DTNA: variants seen among roughly 807,000 people sequenced by gnomAD.
The protein encoded by DTNA is dystrobrevin alpha, also known as dystrophin-related protein 3.
DTNA carries 43 observed loss-of-function variants against 100.7 expected under a neutral mutation model. The ratio of observed to expected loss-of-function variants is 0.43; its 90% CI spans 0.33 to 0.55. DTNA has a LOEUF of 0.55. Among genes scored for constraint, DTNA ranks in the 20% least tolerant of loss-of-function variants. The pLI is 0.04. For missense variants in DTNA, 798 were observed against 953.9 expected, an observed-to-expected ratio of 0.84 and a Z score of 2.15; for synonymous variants, 349 against 347.9, an observed-to-expected ratio of 1.00 and a Z score of -0.04.
chr18:34,620,103 T>A (rs1298839410), intron 1 of DTNA, among the ~76,000 whole-genome samples: 1 of 152,136 alleles, frequency 6.6e-6, no homozygotes, highest in Non-Finnish European at 1.5e-5. Flanking sequence ...CCTGTTGGCT[T>A]CCCCAATTCA....
intron 1 of DTNA, among the ~76,000 whole-genome samples, chr18:34,724,070 A>G (rs2086018388): frequency 1.3e-5 from 2 of 152,216 alleles, no homozygotes; most frequent in Non-Finnish European, 2.9e-5. Context: ...AGTAATATGT[A>G]ATGTTAGTGA....
intron 1 of DTNA, among the ~76,000 whole-genome samples, chr18:34,688,802 T>C (rs2079297832): frequency 6.6e-6 from 1 of 152,186 alleles, no homozygotes; most frequent in Admixed American, 6.5e-5. Context: ...ATTTTGTCTT[T>C]TCACCTAGTA....
chr18:34,644,043 G>T (rs527358087), intron 1 of DTNA, among the ~76,000 whole-genome samples: 1 of 151,870 alleles, frequency 6.6e-6, no homozygotes, highest in African/African-American at 2.4e-5. Context: ...TAATTGTGAG[G>T]GATAATAGAA....
intron 1 of DTNA, among the ~76,000 whole-genome samples, chr18:34,693,131 C>T (rs1045247717): frequency 5.9e-5 from 9 of 152,136 alleles, no homozygotes; most frequent in African/African-American, 1.7e-4. Flanking sequence ...TCATAAGATG[C>T]ATAGGCAGCA....
chr18:34,785,680 C>A (rs1263193277), intron 3 of DTNA, among the ~76,000 whole-genome samples: 1 of 151,914 alleles, frequency 6.6e-6, no homozygotes, highest in African/African-American at 2.4e-5. Flanking sequence ...CATTGTATAC[C>A]TCTGAATATA....
chr18:34,756,180 G>T, intron 2 of DTNA, 137 bp downstream of exon 2: 3 of 1,041,900 alleles, frequency 2.9e-6, no homozygotes, highest in South Asian at 1.4e-5. Context: ...TGTACATTTT[G>T]GCCTTTTTTA....
At chr18:34,878,015 C>G (rs2150355602) in intron 19 of DTNA, among the ~76,000 whole-genome samples, 1 of 151,790 alleles carries the variant, frequency 6.6e-6, no homozygotes, top group Non-Finnish European at 1.5e-5. Flanking sequence ...TCTGTGTTGC[C>G]CGGCTGAAGT....
chr18:34,789,839 A>T (rs9966094), intron 3 of DTNA, among the ~76,000 whole-genome samples: 3,841 of 152,260 alleles, frequency 0.025, 166 homozygotes, highest in African/African-American at 0.087. Context: ...TAGGTATTTG[A>T]TTATAATAAT....
At chr18:34,518,789 C>T (rs1363556169) in intron 1 of DTNA, among the ~76,000 whole-genome samples, 5 of 147,978 alleles carry the variant, frequency 3.4e-5, no homozygotes, top group Admixed American at 2.7e-4. Context: ...AAGACGGGAA[C>T]ATTAATAGAA....
intron 1 of DTNA, among the ~76,000 whole-genome samples, chr18:34,589,432 C>T (rs182872921): frequency 0.015 from 2,265 of 152,100 alleles, 45 homozygotes; most frequent in Non-Finnish European, 0.018. Flanking sequence ...CATAATAAAA[C>T]CCCGTCTCTA....
At chr18:34,556,501 G>T (rs1440542952) in intron 1 of DTNA, among the ~76,000 whole-genome samples, 1 of 151,782 alleles carries the variant, frequency 6.6e-6, no homozygotes, top group East Asian at 1.9e-4. Flanking sequence ...TTTTGCAGCG[G>T]CTGGTACCGG....
intron 1 of DTNA, among the ~76,000 whole-genome samples, chr18:34,621,205 T>G (rs1327954895): frequency 6.7e-6 from 1 of 148,602 alleles, no homozygotes; most frequent in Non-Finnish European, 1.5e-5. Context: ...ATGTAATATA[T>G]GTACATATTG....
intron 1 of DTNA, among the ~76,000 whole-genome samples, chr18:34,744,056 A>C (rs1181600719): frequency 1.3e-5 from 2 of 152,130 alleles, no homozygotes; most frequent in African/African-American, 4.8e-5. Flanking sequence ...CCACCTCTTC[A>C]CTGTGTTTAT....
At chr18:34,713,017 T>C (rs2083214840) in intron 1 of DTNA, among the ~76,000 whole-genome samples, 1 of 152,168 alleles carries the variant, frequency 6.6e-6, no homozygotes, top group African/African-American at 2.4e-5. Flanking sequence ...TTTTAGGAGT[T>C]ATTTTTTAAC....
chr18:34,788,626 C>A (rs1431467022), intron 3 of DTNA, among the ~76,000 whole-genome samples: 1 of 152,136 alleles, frequency 6.6e-6, no homozygotes, highest in Non-Finnish European at 1.5e-5. Flanking sequence ...TTCCATGAAA[C>A]CTTTGTGAAA....
intron 1 of DTNA, among the ~76,000 whole-genome samples, chr18:34,616,734 A>G (rs1411284435): frequency 6.6e-6 from 1 of 152,228 alleles, no homozygotes; most frequent in Non-Finnish European, 1.5e-5. Flanking sequence ...CATATTAACA[A>G]TATTGATCCT....
intron 1 of DTNA, among the ~76,000 whole-genome samples, chr18:34,494,892 T>C (rs1484199283): frequency 6.6e-6 from 1 of 151,198 alleles, no homozygotes; most frequent in African/African-American, 2.4e-5. Context: ...AAATAATGGT[T>C]TTTTTTTTCT....
chr18:34,826,096 G>A (rs894713817), intron 9 of DTNA, among the ~76,000 whole-genome samples: 39 of 152,264 alleles, frequency 2.6e-4, no homozygotes, highest in African/African-American at 8.7e-4. Context: ...CAGAACTTCA[G>A]TTTTGTCTAG....
chr18:34,630,043 C>T (rs886943297), intron 1 of DTNA, among the ~76,000 whole-genome samples: 2 of 152,188 alleles, frequency 1.3e-5, no homozygotes, highest in African/African-American at 4.8e-5. Context: ...TCTACCATCA[C>T]TTGATGAATA....
Sources: gnomAD v4.1 joint callset for allele counts (sites outside exome capture counted in the v4.1 genomes callset) on GRCh38, gnomAD v4.1.1 for gene constraint, MANE v1.5 for transcripts, NCBI Gene and HGNC (gene_info 2026-07-23, HGNC 2026-07-21) for gene names.